Variants in GSE1 observed in about 807,000 individuals in gnomAD.
GSE1 encodes the protein Gse1 coiled-coil protein, also known as genetic suppressor element 1.
In GSE1, 32 loss-of-function variants were observed where a neutral mutation model predicts 112.6. The ratio of observed to expected loss-of-function variants is 0.28; its 90% CI spans 0.21 to 0.38. GSE1 has a LOEUF of 0.38. Among genes scored for constraint, GSE1 ranks in the 10% least tolerant of loss-of-function variants. The pLI is 1.00. For synonymous variants in GSE1, 1,115 were observed against 735.6 expected (o/e 1.52, Z -8.35); for missense variants, 2,348 against 1,699.2 (o/e 1.38, Z -6.71).
At chr16:85,207,158 G>C (rs990572578) in intron 1 of GSE1, among the ~76,000 whole-genome samples, 2 of 152,172 alleles carry the variant, frequency 1.3e-5, no homozygotes, top group African/African-American at 4.8e-5. Flanking sequence ...TCCACCTTCA[G>C]GGAGGCAGAA....
intron 1 of GSE1, among the ~76,000 whole-genome samples, chr16:85,587,608 C>G (rs983177230): frequency 3.3e-5 from 5 of 152,110 alleles, no homozygotes; most frequent in Non-Finnish European, 7.4e-5. Context: ...AGCCCAGGCC[C>G]CCTGTTGGTT....
chr16:85,645,080 C>T (rs2050742700), intron 2 of GSE1, among the ~76,000 whole-genome samples: 1 of 151,318 alleles, frequency 6.6e-6, no homozygotes, highest in Non-Finnish European at 1.5e-5. Flanking sequence ...CAGCGTTTCC[C>T]CTCCTCAGGT....
intron 2 of GSE1, among the ~76,000 whole-genome samples, chr16:85,395,109 C>A (rs893723346): frequency 2.0e-5 from 3 of 152,108 alleles, no homozygotes; most frequent in African/African-American, 7.2e-5. Flanking sequence ...TAGGCTGCAG[C>A]CACACAAAGC....
At chr16:85,382,964 C>G (rs567842081) in intron 2 of GSE1, among the ~76,000 whole-genome samples, 1 of 148,888 alleles carries the variant, frequency 6.7e-6, no homozygotes, top group Non-Finnish European at 1.5e-5. Context: ...CACGTGCACA[C>G]ACATGCACGC....
chr16:85,410,955 G>T, intron 2 of GSE1, among the ~76,000 whole-genome samples: 1 of 96,336 alleles, frequency 1.0e-5, no homozygotes, highest in Admixed American at 1.1e-4. Flanking sequence ...CAGGCCCCCG[G>T]ATAATCCTCA....
Position 85,282,414 on chromosome 16 carries a change from C to T in GSE1, c.2284-75049C>T, listed in dbSNP as rs746136622. ...AGACTGACTTCAAAGCTTTTTTCTC[C>T]TCCAGGTTTCTGAAAGTTGTTTTTT... is the stretch of plus-strand genomic sequence containing the variant. On this transcript the variant is annotated intron_variant, in intron 1 of 2. Transcript: ENST00000637419. 1.6e-4 allele frequency among the ~76,000 whole-genome samples: 25 copies of T among 152,200 alleles called. 1 individual carries two copies. The highest frequency in any genetic ancestry group is 3.1e-4 in the African/African-American group (13 of 41,442).
At chr16:85,649,172 T>C (rs1348332456) in intron 3 of GSE1, among the ~76,000 whole-genome samples, 1 of 152,116 alleles carries the variant, frequency 6.6e-6, no homozygotes, top group Non-Finnish European at 1.5e-5. Flanking sequence ...GTCAGCTGGT[T>C]TAGCGCCCAC....
At position 85,373,775 on chromosome 16, in the gene GSE1, G is replaced by T. The variant is rs1254933979; in HGVS notation, c.2464+16132G>T. Among the ~76,000 whole-genome samples, 1 of 152,160 alleles carries T rather than the reference G, an allele frequency of 6.6e-6. No homozygotes were observed. Among genetic ancestry groups the T allele is most frequent in the Non-Finnish European group, 1.5e-5 (1 of 68,016 alleles). Reference sequence around the variant, plus strand: ...GCCGCCTTCTCCCGGCAGGCCTGGGGACCCTGGATCCCCGAGGCAGCCCAG... The same window carrying T: ...GCCGCCTTCTCCCGGCAGGCCTGGGTACCCTGGATCCCCGAGGCAGCCCAG... On this transcript the variant is annotated intron_variant, in intron 2 of 2. Transcript: ENST00000637419. This position sits in a 1 kb window ranked among gnomAD's most constrained non-coding sequence, Gnocchi z 5.1.
intron 1 of GSE1, among the ~76,000 whole-genome samples, chr16:85,297,839 T>C (rs1182696507): frequency 6.6e-6 from 1 of 152,154 alleles, no homozygotes; most frequent in Non-Finnish European, 1.5e-5. Context: ...TATTTCCTTG[T>C]CTCCCTCTGT....
intron 2 of GSE1, among the ~76,000 whole-genome samples, chr16:85,481,280 C>T (rs1220173394): frequency 1.3e-5 from 2 of 152,176 alleles, no homozygotes; most frequent in Non-Finnish European, 2.9e-5. Context: ...GAAAAATTTC[C>T]TGAGATAAAC....
intron 1 of GSE1, among the ~76,000 whole-genome samples, chr16:85,325,936 A>G (rs1004519060): frequency 4.2e-4 from 63 of 151,174 alleles, no homozygotes; most frequent in Middle Eastern, 3.4e-3. Context: ...TTTAGTAGAG[A>G]GGGGGTTTCA....
intron 2 of GSE1, among the ~76,000 whole-genome samples, chr16:85,535,572 G>T (rs966466241): frequency 6.6e-6 from 1 of 152,210 alleles, no homozygotes; most frequent in East Asian, 1.9e-4. Flanking sequence ...AAGCCACCGC[G>T]GCCCTCTGGG....
chr16:85,387,280 C>A (rs758471585), intron 2 of GSE1, among the ~76,000 whole-genome samples: 1 of 152,176 alleles, frequency 6.6e-6, no homozygotes, highest in East Asian at 1.9e-4. Context: ...CAGAACCCCC[C>A]ACTTTCCCGA....
At chr16:85,330,010 G>A (rs2046306027) in intron 1 of GSE1, among the ~76,000 whole-genome samples, 1 of 152,160 alleles carries the variant, frequency 6.6e-6, no homozygotes, top group African/African-American at 2.4e-5. Context: ...CCTGGCAGAT[G>A]CCCCTGCCAG....
intron 10 of GSE1, 86 bp from the exon 11 acceptor site, chr16:85,663,258 C>T (rs573959873): frequency 3.9e-5 from 58 of 1,475,172 alleles, no homozygotes; most frequent in South Asian, 3.4e-4. Flanking sequence ...GCCCACACTT[C>T]GAGGACCCCA....
chr16:85,230,177 G>A (rs190253491), intron 1 of GSE1, among the ~76,000 whole-genome samples: 7 of 152,312 alleles, frequency 4.6e-5, no homozygotes, highest in African/African-American at 1.4e-4. Context: ...TAATTGGTTG[G>A]GGTCTTGTCT....
intron 2 of GSE1, among the ~76,000 whole-genome samples, chr16:85,499,191 C>G (rs1197107881): frequency 1.3e-5 from 2 of 151,840 alleles, no homozygotes; most frequent in African/African-American, 4.8e-5. Flanking sequence ...AGGCCAAGGC[C>G]TGGGCACAGT....
rs1409253250 is a variant in GSE1, at chr16:85,311,081, C to T, written c.2284-46382C>T. On this transcript the variant is annotated intron_variant, in intron 1 of 2. Coordinates refer to the GSE1 transcript ENST00000637419. The surrounding 1 kb of genome is among the most constrained non-coding windows in gnomAD (Gnocchi z 4.2). Reference sequence around the variant, plus strand: ...TGTCAAGAAGGATTATCTCGTCCTCCAGCAGGCAGGGCATCTGACAGCCGT... The same window carrying T: ...TGTCAAGAAGGATTATCTCGTCCTCTAGCAGGCAGGGCATCTGACAGCCGT... 6.6e-6 allele frequency among the ~76,000 whole-genome samples: 1 copy of T among 152,228 alleles called. No homozygotes were observed. The highest frequency in any genetic ancestry group is 2.4e-5 in the African/African-American group (1 of 41,468).
At chr16:85,510,146 C>T (rs1280212656) in intron 2 of GSE1, among the ~76,000 whole-genome samples, 5 of 152,226 alleles carry the variant, frequency 3.3e-5, no homozygotes, top group African/African-American at 1.2e-4. Context: ...GCCTGCCCCT[C>T]GGCTCTCCCA....
Sources: allele counts gnomAD v4.1 joint callset (sites outside exome capture counted in the v4.1 genomes callset), GRCh38; gene constraint gnomAD v4.1.1; non-coding constraint Gnocchi (gnomAD v3.1); transcripts MANE v1.5; gene names NCBI Gene and HGNC (gene_info 2026-07-23, HGNC 2026-07-21).